Variants in VSIG1 observed in about 807,000 individuals in gnomAD.
VSIG1 encodes the protein V-set and immunoglobulin domain containing 1, also known as V-set and immunoglobulin domain-containing protein 1.
VSIG1 carries 11 observed loss-of-function variants against 20.1 expected under a neutral mutation model. That is an observed-to-expected ratio of 0.55 (90% CI 0.34 to 0.91). The LOEUF is 0.91. Among genes scored for constraint, VSIG1 ranks in the 40% least tolerant of loss-of-function variants. The pLI, the probability that VSIG1 is intolerant of heterozygous loss-of-function variation, is 0.02. For missense variants in VSIG1, 283 were observed against 298.8 expected (o/e 0.95, Z 0.39); for synonymous variants, 126 against 116.7 (o/e 1.08, Z -0.52).
In VSIG1 at chrX:108,047,788, C is replaced by CTATA. The variant is rs1156663703; in HGVS notation, c.49+2610_49+2611insATAT. The stretch of plus-strand genomic sequence containing the variant: ...ATTCTCTCTCTCTCTCTCTCTCTCT[C>CTATA]TCTATATATATATATATATACATAT... On this transcript the variant is annotated intron_variant, in intron 1 of 6. Coordinates refer to ENST00000217957, the MANE Select transcript of VSIG1 (RefSeq NM_182607.5). Among the ~76,000 whole-genome samples, 18 of 56,591 alleles carry CTATA rather than the reference C, an allele frequency of 3.2e-4. 1 individual carries two copies. Among genetic ancestry groups the CTATA allele is most frequent in the African/African-American group, 9.9e-4 (13 of 13,190 alleles). 49.1% of individuals were successfully genotyped at this position (56,591 alleles called of 115,157 possible). A position where few individuals can be genotyped will look rare whatever the true frequency, so the allele number is the denominator to read the frequency against.
chrX:108,076,545 C>T (rs780480495), intron 6 of VSIG1, among the ~76,000 whole-genome samples: 112 of 112,167 alleles, frequency 1.0e-3, no homozygotes, highest in African/African-American at 3.5e-3. Flanking sequence ...TTTTATGGAA[C>T]AAGAGACCCA....
the VSIG1 span, among the ~76,000 whole-genome samples, chrX:108,025,359 T>C: frequency 8.9e-6 from 1 of 112,005 alleles, no homozygotes; most frequent in Non-Finnish European, 1.9e-5. Context: ...CCAGATAATT[T>C]TTGTCATTTT....
intron 2 of VSIG1, among the ~76,000 whole-genome samples, chrX:108,066,435 A>C (rs1275304763): frequency 8.9e-6 from 1 of 111,959 alleles, no homozygotes; most frequent in Non-Finnish European, 1.9e-5. Flanking sequence ...TCTATCCAAA[A>C]GAGTAGGTGT....
the VSIG1 span, among the ~76,000 whole-genome samples, chrX:108,019,378 C>T: frequency 1.8e-5 from 2 of 112,422 alleles, no homozygotes; most frequent in Non-Finnish European, 3.8e-5. Context: ...ACCCTGCCCC[C>T]CCGTGTTGCA....
chrX:108,060,571 T>C (rs760999611), intron 2 of VSIG1, among the ~76,000 whole-genome samples: 1 of 111,830 alleles, frequency 8.9e-6, no homozygotes, highest in Non-Finnish European at 1.9e-5. Flanking sequence ...CCCCATATCC[T>C]GCTGGCATGG....
At position 108,078,197 on chromosome X, in the gene VSIG1, A is replaced by T. The variant is rs764985581; in HGVS notation, c.*816A>T. 2.7e-5 allele frequency: 3 copies of T among 112,526 alleles called. No individual in the cohort carries two copies. The East Asian group carries it at 8.3e-4, about 31-fold the overall frequency. The allele number at this position is 112,526 out of a possible 1,213,427, so 9.3% of individuals were successfully genotyped here. On this transcript the variant is annotated 3_prime_UTR_variant, in exon 7 of 7. Coordinates refer to ENST00000217957, the MANE Select transcript of VSIG1 (RefSeq NM_182607.5). ...AGAGGAGAATATGTAAAGGGTATAC[A>T]TTAATTGGTACGTAGCATTTAAAAT...
At chrX:108,061,625 G>A in intron 2 of VSIG1, 1 of 745,644 alleles carries the variant, frequency 1.3e-6, no homozygotes, top group Admixed American at 2.8e-5. Flanking sequence ...GGATGGGAGG[G>A]TCTGACTTTG....
chrX:108,068,988 G>A lies in VSIG1; in HGVS notation c.412+1854G>A, dbSNP rs186173544. ...ATTTTACCTATAAAATGAAATACTG[G>A]AGATCAAAGGGGTTTTTAAATGTTC... is the stretch of plus-strand genomic sequence containing the variant. On this transcript the variant is annotated intron_variant, in intron 3 of 6. Transcript: ENST00000217957. Among the ~76,000 whole-genome samples, 7 of 111,448 alleles carry A rather than the reference G, an allele frequency of 6.3e-5. No individual in the cohort carries two copies. In the East Asian group the frequency reaches 1.7e-3, roughly 27 times the overall value.
intron 2 of VSIG1, chrX:108,064,796 C>A: frequency 5.4e-6 from 4 of 740,305 alleles, no homozygotes; most frequent in Non-Finnish European, 6.4e-6. Flanking sequence ...AGGTAAGAAA[C>A]AACAAGACCT....
the VSIG1 span, among the ~76,000 whole-genome samples, chrX:108,035,166 T>C: frequency 8.9e-6 from 1 of 111,793 alleles, no homozygotes; most frequent in South Asian, 3.7e-4. Flanking sequence ...TGGCATGATC[T>C]TGGCTCACTG....
At chrX:108,073,210 A>G in intron 4 of VSIG1, 40 bp from the exon 5 acceptor site, 1 of 1,204,702 alleles carries the variant, frequency 8.3e-7, no homozygotes, top group Non-Finnish European at 1.1e-6. Context: ...ATCTGTATGC[A>G]CAGAAGAGAT....
At chrX:108,048,513 C>T (rs1020154756) in intron 1 of VSIG1, among the ~76,000 whole-genome samples, 36 of 112,383 alleles carry the variant, frequency 3.2e-4, no homozygotes, top group African/African-American at 1.1e-3. Flanking sequence ...CAGAGAGGGA[C>T]ATTGCGTTCT....
the VSIG1 span, among the ~76,000 whole-genome samples, chrX:108,027,859 C>A: frequency 5.4e-5 from 6 of 110,737 alleles, no homozygotes; most frequent in African/African-American, 2.0e-4. Flanking sequence ...GCTACTGCCC[C>A]CAGGAAAGAG....
At chrX:108,073,560 G>T (rs1200708201) in intron 5 of VSIG1, 191 bp downstream of exon 5, 2 of 458,192 alleles carry the variant, frequency 4.4e-6, no homozygotes, top group East Asian at 8.1e-5. Flanking sequence ...TATGCCATAT[G>T]CTGCCCTAAA....
At chrX:108,047,937 C>CATAT (rs1163371858) in intron 1 of VSIG1, among the ~76,000 whole-genome samples, 8 of 33,593 alleles carry the variant, frequency 2.4e-4, no homozygotes, top group African/African-American at 1.2e-3. Flanking sequence ...TATATATACA[C>CATAT]ATATATATAT....
At chrX:108,057,798 G>C (rs1295929926) in intron 1 of VSIG1, among the ~76,000 whole-genome samples, 1 of 111,215 alleles carries the variant, frequency 9.0e-6, no homozygotes, top group Non-Finnish European at 1.9e-5. Flanking sequence ...TCTCAGTTCA[G>C]TGTTATTACC....
intron 1 of VSIG1, among the ~76,000 whole-genome samples, chrX:108,046,777 T>C (rs1473772628): frequency 9.0e-6 from 1 of 111,685 alleles, no homozygotes; most frequent in African/African-American, 3.3e-5. Context: ...TTTTTTATTG[T>C]TTAAAAAAAT....
the VSIG1 span, among the ~76,000 whole-genome samples, chrX:108,034,648 G>C: frequency 8.9e-6 from 1 of 112,516 alleles, no homozygotes; most frequent in Admixed American, 9.4e-5. Context: ...AGCACTTACT[G>C]TCTGCAGGCA....
chrX:108,040,014 G>C (rs2030454941), upstream of VSIG1, among the ~76,000 whole-genome samples: 1 of 111,041 alleles, frequency 9.0e-6, no homozygotes, highest in South Asian at 3.8e-4. Context: ...CTCAGAAGCT[G>C]CAAAGAAAAA....
Sources: gnomAD v4.1 joint callset for allele counts (sites outside exome capture counted in the v4.1 genomes callset) on GRCh38, gnomAD v4.1.1 for gene constraint, MANE v1.5 for transcripts, NCBI Gene and HGNC (gene_info 2026-07-23, HGNC 2026-07-21) for gene names.